C4orf50: variants seen among roughly 807,000 people sequenced by gnomAD.
C4orf50 encodes the protein uncharacterized protein C4orf50.
C4orf50 carries 80 observed loss-of-function variants against 77.2 expected under a neutral mutation model. The ratio of observed to expected loss-of-function variants is 1.04; its 90% CI spans 0.87 to 1.25. C4orf50 has a LOEUF of 1.25. Ranked by LOEUF, C4orf50 falls within the 50% of genes most tolerant of loss-of-function variation. The pLI, the probability that C4orf50 is intolerant of heterozygous loss-of-function variation, is 0.00. For synonymous variants in C4orf50, 532 were observed against 465.3 expected, an observed-to-expected ratio of 1.14 and a Z score of -1.84; for missense variants, 1,257 against 1,152.9, an observed-to-expected ratio of 1.09 and a Z score of -1.31.
chr4:5,907,846 A>G (rs891915522), intron 7 of C4orf50, among the ~76,000 whole-genome samples: 2 of 152,178 alleles, frequency 1.3e-5, no homozygotes, highest in South Asian at 4.1e-4. Context: ...GGGCAGGAAC[A>G]TGTTGGCATG....
intron 7 of C4orf50, among the ~76,000 whole-genome samples, chr4:5,911,823 C>T (rs923014869): frequency 3.3e-5 from 5 of 152,164 alleles, no homozygotes; most frequent in Admixed American, 6.5e-5. Context: ...CCAGGCGGGC[C>T]GATCACAAAG....
At chr4:5,940,756 G>A (rs963543669) in intron 7 of C4orf50, among the ~76,000 whole-genome samples, 12 of 152,312 alleles carry the variant, frequency 7.9e-5, no homozygotes, top group Non-Finnish European at 1.3e-4. Flanking sequence ...AAGTGACGCC[G>A]TGGGAGATTT....
rs960932776 is a variant in C4orf50, at chr4:6,017,736, C to T, written c.287+409G>A. 2.0e-5 allele frequency among the ~76,000 whole-genome samples: 3 copies of T among 152,190 alleles called. No individual in the cohort carries two copies. Among genetic ancestry groups the T allele is most frequent in the East Asian group, 3.9e-4 (2 of 5,192 alleles). On this transcript the variant is annotated intron_variant, in intron 23 of 33. Coordinates refer to ENST00000531445, the Ensembl canonical transcript of C4orf50. This position sits in a 1 kb window ranked among gnomAD's most constrained non-coding sequence, Gnocchi z 4.7. Reference sequence around the variant, plus strand: ...TCTGCCAGTTCCCCTAAAAAAATCACCCCAAACCGACCAACTGGATTTGTC... The same window carrying T: ...TCTGCCAGTTCCCCTAAAAAAATCATCCCAAACCGACCAACTGGATTTGTC...
At chr4:5,940,733 T>C (rs904992645) in intron 7 of C4orf50, among the ~76,000 whole-genome samples, 2 of 152,058 alleles carry the variant, frequency 1.3e-5, no homozygotes, top group South Asian at 4.2e-4. Flanking sequence ...CTTAGACCAA[T>C]AGAAAGATGC....
chr4:5,902,356 G>A (rs918249902), intron 7 of C4orf50: 1 of 152,230 alleles, frequency 6.6e-6, no homozygotes, highest in African/African-American at 2.4e-5. Context: ...TTGCAGATCA[G>A]AGAGATGGGC....
At chr4:5,961,545 G>A (rs1719277320) in intron 33 of C4orf50, among the ~76,000 whole-genome samples, 1 of 152,176 alleles carries the variant, frequency 6.6e-6, no homozygotes, top group Admixed American at 6.5e-5. Context: ...CCATCATACA[G>A]ATGAAGCAAC....
chr4:6,001,014 A>C (rs566560141), intron 25 of C4orf50, among the ~76,000 whole-genome samples: 1 of 152,310 alleles, frequency 6.6e-6, no homozygotes, highest in South Asian at 2.1e-4. Flanking sequence ...GATACCAGAA[A>C]CACAAAAGCC....
intron 7 of C4orf50, among the ~76,000 whole-genome samples, chr4:5,941,351 C>T (rs1295102006): frequency 1.3e-5 from 2 of 152,134 alleles, no homozygotes; most frequent in African/African-American, 2.4e-5. Flanking sequence ...GCAGAGCTTG[C>T]CAGCAGCAGA....
At chr4:5,927,580 T>A (rs2108742504) in intron 7 of C4orf50, among the ~76,000 whole-genome samples, 1 of 152,076 alleles carries the variant, frequency 6.6e-6, no homozygotes, top group Admixed American at 6.5e-5. Context: ...GAGGGAGTTC[T>A]CATGAGATCT....
intron 7 of C4orf50, chr4:5,899,939 G>C (rs1482459856): frequency 6.6e-6 from 1 of 152,174 alleles, no homozygotes; most frequent in African/African-American, 2.4e-5. Context: ...ACCTGGAGGG[G>C]GTAAGTGGCA....
chr4:5,928,403 G>T (rs1374813615), intron 7 of C4orf50, among the ~76,000 whole-genome samples: 1 of 149,334 alleles, frequency 6.7e-6, no homozygotes, highest in Non-Finnish European at 1.5e-5. Context: ...CACACACCCT[G>T]AAGATACCTC....
intron 28 of C4orf50, among the ~76,000 whole-genome samples, chr4:5,985,002 G>A (rs1439455005): frequency 6.6e-6 from 1 of 152,076 alleles, no homozygotes. Context: ...TATTTTAGGG[G>A]GAGTGAGGGA....
exon 28 of C4orf50, chr4:5,988,909 A>G (rs1004345982): frequency 3.3e-6 from 5 of 1,535,956 alleles, no homozygotes; most frequent in Non-Finnish European, 3.5e-6. Flanking sequence ...GACTTGCTCC[A>G]TCGTGTCTTT....
chr4:5,960,253 A>G (rs950639898), intron 33 of C4orf50, among the ~76,000 whole-genome samples: 2 of 152,124 alleles, frequency 1.3e-5, no homozygotes, highest in Non-Finnish European at 2.9e-5. Context: ...TCCAGTCACT[A>G]TTGTACCTGT....
chr4:5,973,021 A>C lies in C4orf50; in HGVS notation c.4104+638T>G, dbSNP rs375842814. Among the ~76,000 whole-genome samples, 6 of 152,286 alleles carry C rather than the reference A, an allele frequency of 3.9e-5. No individual in the cohort carries two copies. The East Asian group carries it at 7.7e-4, about 20-fold the overall frequency. ...TCTCATTCATTTGGTTCATTATTTCATTCATTCAACCAACATTCTTCCAGG... is the reference window on the plus strand; with the variant it reads ...TCTCATTCATTTGGTTCATTATTTCCTTCATTCAACCAACATTCTTCCAGG... On this transcript the variant is annotated intron_variant, in intron 31 of 33. Coordinates refer to ENST00000531445, the Ensembl canonical transcript of C4orf50.
intron 7 of C4orf50, among the ~76,000 whole-genome samples, chr4:5,927,949 G>A (rs1717592616): frequency 6.6e-6 from 1 of 152,128 alleles, no homozygotes; most frequent in South Asian, 2.1e-4. Flanking sequence ...ACCCCCATGT[G>A]CCCTGCCACT....
chr4:5,898,909 T>A (rs1716237312), intron 7 of C4orf50: 1 of 152,218 alleles, frequency 6.6e-6, no homozygotes, highest in Non-Finnish European at 1.5e-5. Flanking sequence ...CATTACTCAA[T>A]ACATTACATT....
chr4:5,941,242 T>C (rs890204496), intron 7 of C4orf50, among the ~76,000 whole-genome samples: 1 of 152,244 alleles, frequency 6.6e-6, no homozygotes, highest in African/African-American at 2.4e-5. Context: ...AAAGCTCTTG[T>C]CATTCTGACA....
intron 7 of C4orf50, among the ~76,000 whole-genome samples, chr4:5,920,298 T>C (rs1717205208): frequency 1.3e-5 from 2 of 152,272 alleles, no homozygotes; most frequent in South Asian, 4.1e-4. Context: ...GATCTGTTTT[T>C]ACATCTGTGA....
Sources: allele counts gnomAD v4.1 joint callset (sites outside exome capture counted in the v4.1 genomes callset), GRCh38; gene constraint gnomAD v4.1.1; non-coding constraint Gnocchi (gnomAD v3.1); transcripts MANE v1.5; gene names NCBI Gene and HGNC (gene_info 2026-07-23, HGNC 2026-07-21).